The following RPTOR variants were observed in gnomAD, a reference collection of about 807,000 sequenced individuals.
The protein encoded by RPTOR is regulatory-associated protein of mTOR.
Under a neutral mutation model 169.9 loss-of-function variants are expected in RPTOR, and 21 were observed. The ratio of observed to expected loss-of-function variants is 0.12; its 90% CI spans 0.09 to 0.18. RPTOR has a LOEUF of 0.18. Among genes scored for constraint, RPTOR ranks in the 10% least tolerant of loss-of-function variants. The pLI is 1.00. For missense variants in RPTOR, 1,133 were observed against 1,855.9 expected (o/e 0.61, Z 7.16); for synonymous variants, 732 against 753.2 (o/e 0.97, Z 0.46).
rs565210827 is a variant in RPTOR, at chr17:80,773,914, G to A, written c.831-17536G>A. The A allele has an allele frequency of 1.5e-5, 15 of 985,408 alleles. No individual in the cohort carries two copies. The African/African-American group carries it at 1.6e-4, about 10-fold the overall frequency. The allele number at this position is 985,408 out of a possible 1,614,324, so 61.0% of individuals were successfully genotyped here. On this transcript the variant is annotated intron_variant, in intron 6 of 33. Coordinates refer to ENST00000306801, the MANE Select transcript of RPTOR (RefSeq NM_020761.3). ...TTCTGATTCCCTCCAGACAGCTCCCGGTGGACACGCAGGGCTATGCGGCCT... is the reference window on the plus strand; with the variant it reads ...TTCTGATTCCCTCCAGACAGCTCCCAGTGGACACGCAGGGCTATGCGGCCT...
chr17:80,795,276 A>G (rs1261085332), intron 7 of RPTOR, among the ~76,000 whole-genome samples: 1 of 152,240 alleles, frequency 6.6e-6, no homozygotes, highest in East Asian at 1.9e-4. Flanking sequence ...TATTATTAAA[A>G]TGGGATTGAG....
intron 1 of RPTOR, among the ~76,000 whole-genome samples, chr17:80,586,476 A>G (rs1195853688): frequency 2.6e-5 from 4 of 152,192 alleles, no homozygotes; most frequent in Non-Finnish European, 2.9e-5. Context: ...TTCTGTTTCA[A>G]AAAAGTAACA....
At chr17:80,566,421 A>T (rs1464426405) in intron 1 of RPTOR, among the ~76,000 whole-genome samples, 3 of 152,202 alleles carry the variant, frequency 2.0e-5, no homozygotes, top group Admixed American at 6.5e-5. Flanking sequence ...TTGTGTTTTT[A>T]AAAAGGTATA....
At chr17:80,641,704 A>G (rs1465151772) in intron 2 of RPTOR, among the ~76,000 whole-genome samples, 1 of 152,190 alleles carries the variant, frequency 6.6e-6, no homozygotes, top group African/African-American at 2.4e-5. Flanking sequence ...TATTTTAAAA[A>G]CTGAAAAATG....
intron 3 of RPTOR, among the ~76,000 whole-genome samples, chr17:80,645,141 C>T (rs1232722348): frequency 6.6e-6 from 1 of 152,110 alleles, no homozygotes. Flanking sequence ...TCGTGTTTTC[C>T]ATAGATAATA....
rs1598384312 is a variant in RPTOR, at chr17:80,893,647, C to G, written c.2243-60C>G. ...ATATGTATCTCAGTCATGCCATTAA[C>G]TGTAAGACCAAAAGGAGGGTCCCGG... is the stretch of plus-strand genomic sequence containing the variant. On this transcript the variant is annotated intron_variant, in intron 19 of 33. Transcript: ENST00000306801. 3.9e-6 allele frequency: 6 copies of G among 1,552,152 alleles called. No homozygotes were observed. The East Asian group carries it at 1.4e-4, about 36-fold the overall frequency.
At chr17:80,634,957 T>A (rs1187577768) in intron 2 of RPTOR, among the ~76,000 whole-genome samples, 1 of 152,212 alleles carries the variant, frequency 6.6e-6, no homozygotes, top group Non-Finnish European at 1.5e-5. Flanking sequence ...TGCGTGTGCT[T>A]CTCTCTGTAC....
chr17:80,735,599 A>C (rs1404483485), intron 5 of RPTOR, among the ~76,000 whole-genome samples: 1 of 152,210 alleles, frequency 6.6e-6, no homozygotes, highest in African/African-American at 2.4e-5. Context: ...GCTCACCGTC[A>C]CTGAAGACGG....
chr17:80,923,338 G>A lies in RPTOR; in HGVS notation c.2625-152G>A, dbSNP rs1404271738. The A allele has an allele frequency of 3.9e-5, 32 of 811,336 alleles. No homozygotes were observed. The East Asian group carries it at 4.3e-4, about 11-fold the overall frequency. The allele number at this position is 811,336 out of a possible 1,614,324, so 50.3% of individuals were successfully genotyped here. On this transcript the variant is annotated intron_variant, in intron 22 of 33. Coordinates refer to ENST00000306801, the MANE Select transcript of RPTOR (RefSeq NM_020761.3). ...GACTCGGCACCAGCAGCTGGGGTTC[G>A]GGAGCCATGATGGCATGCTGGGTGA... is the stretch of plus-strand genomic sequence containing the variant.
chr17:80,598,613 G>A (rs923940410), intron 1 of RPTOR, among the ~76,000 whole-genome samples: 1 of 152,212 alleles, frequency 6.6e-6, no homozygotes, highest in Non-Finnish European at 1.5e-5. Flanking sequence ...TTTGCGCAGG[G>A]TGGTTCTGCC....
At chr17:80,601,454 G>A (rs901278244) in intron 1 of RPTOR, among the ~76,000 whole-genome samples, 41 of 152,160 alleles carry the variant, frequency 2.7e-4, no homozygotes, top group Admixed American at 1.8e-3. Flanking sequence ...GTCAGGCCCC[G>A]CAGATGGGCA....
In RPTOR at chr17:80,545,246, A is replaced by T; in HGVS notation, c.-384A>T. 1 of 238,828 alleles carries T rather than the reference A, an allele frequency of 4.2e-6. No homozygotes were observed. Among genetic ancestry groups the T allele is most frequent in the Non-Finnish European group, 8.2e-6 (1 of 121,706 alleles). The allele number at this position is 238,828 out of a possible 1,614,324, so 14.8% of individuals were successfully genotyped here. On this transcript the variant is annotated 5_prime_UTR_variant, in exon 1 of 34. Coordinates refer to ENST00000306801, the MANE Select transcript of RPTOR (RefSeq NM_020761.3). ...CCAAGAGCGGCCTGCCTGTCTTCGG[A>T]ACTGCTGAGGCGGTGGAGGCCGAGA...
chr17:80,835,936 G>A (rs1264078313), intron 9 of RPTOR, among the ~76,000 whole-genome samples: 1 of 151,978 alleles, frequency 6.6e-6, no homozygotes, highest in African/African-American at 2.4e-5. Flanking sequence ...GTTCATGTTG[G>A]ATGTTGTGGC....
intron 6 of RPTOR, among the ~76,000 whole-genome samples, chr17:80,765,858 A>C (rs1229830487): frequency 6.6e-6 from 1 of 152,164 alleles, no homozygotes; most frequent in Non-Finnish European, 1.5e-5. Context: ...TCTTCAGCAA[A>C]CCAGCCTAGT....
Position 80,743,875 on chromosome 17 carries a change from C to CCCTGGCTACTAGCACTGT in RPTOR, c.655-10129_655-10112dup, listed in dbSNP as rs1567887589. ...AGCAGAGCCCTGGCTACTAGCACAG[C>CCCTGGCTACTAGCACTGT]CCTGGCTACTAGCACTGTCCTGGTT... On this transcript the variant is annotated intron_variant, in intron 5 of 33. Transcript: ENST00000306801. Among the ~76,000 whole-genome samples the CCCTGGCTACTAGCACTGT allele has an allele frequency of 1.0e-4, 7 of 68,594 alleles. 2 individuals carry two copies. The highest frequency in any genetic ancestry group is 1.5e-4 in the Non-Finnish European group (5 of 32,790). The allele number at this position is 68,594 out of a possible 152,430, so 45.0% of individuals were successfully genotyped here.
chr17:80,544,862 T>C lies in RPTOR; in HGVS notation c.-768T>C, dbSNP rs1327480401. ...GGTCCTGGCAATATGGCGTCCTCCT[T>C]GATGGGCTGATGAGATGAGTTTCAC... On this transcript the variant is annotated 5_prime_UTR_variant, in exon 1 of 34. Transcript: ENST00000306801. 1 of 220,438 alleles carries C rather than the reference T, an allele frequency of 4.5e-6. No homozygotes were observed. The highest frequency in any genetic ancestry group is 9.1e-6 in the Non-Finnish European group (1 of 109,678). 13.7% of individuals were successfully genotyped at this position (220,438 alleles called of 1,614,324 possible).
At chr17:80,755,589 A>T (rs1322181648) in intron 6 of RPTOR, among the ~76,000 whole-genome samples, 1 of 151,996 alleles carries the variant, frequency 6.6e-6, no homozygotes, top group Non-Finnish European at 1.5e-5. Flanking sequence ...ATACAAAAAA[A>T]TTAGCTGGAT....
At position 80,837,970 on chromosome 17, in the gene RPTOR, G is replaced by C. The variant is rs113149562; in HGVS notation, c.1185G>C (p.Thr395=). Residue 395 remains threonine, a synonymous_variant, in exon 10 of 34, where the codon ACG becomes ACC. Coordinates refer to ENST00000306801, the MANE Select transcript of RPTOR (RefSeq NM_020761.3). The stretch of plus-strand genomic sequence containing the variant: ...ACATCTGTCTGTCTCAGCTGCCGAC[G>C]ATCATCGAGGAAGGCACTGCGTTTC... ...AVDICLSQLP[T]IIEEGTAFRH... 3.9e-5 allele frequency: 63 copies of C among 1,611,554 alleles called. No individual in the cohort carries two copies. Among genetic ancestry groups the C allele is most frequent in the Non-Finnish European group, 4.8e-5 (57 of 1,178,972 alleles).
chr17:80,852,412 G>A (rs542942592), intron 11 of RPTOR, among the ~76,000 whole-genome samples: 1 of 152,010 alleles, frequency 6.6e-6, no homozygotes, highest in African/African-American at 2.4e-5. Flanking sequence ...GACAGCCCCC[G>A]AGTTAAGCAT....
Sources: gnomAD v4.1 joint callset for allele counts (sites outside exome capture counted in the v4.1 genomes callset) on GRCh38, gnomAD v4.1.1 for gene constraint, MANE v1.5 for transcripts, NCBI Gene and HGNC (gene_info 2026-07-23, HGNC 2026-07-21) for gene names.